Variants in PRRG4 observed in about 807,000 individuals in gnomAD.
PRRG4 encodes proline rich and Gla domain 4.
In PRRG4, 12 loss-of-function variants were observed where a neutral mutation model predicts 20.0. The ratio of observed to expected loss-of-function variants is 0.60; its 90% CI spans 0.38 to 0.97. The LOEUF (loss-of-function observed/expected upper bound fraction) is 0.97, where lower values mean the gene tolerates loss of function less well. Among genes scored for constraint, PRRG4 ranks in the 50% least tolerant of loss-of-function variants. The pLI, the probability that PRRG4 is intolerant of heterozygous loss-of-function variation, is 0.00. For synonymous variants in PRRG4, 94 were observed against 96.4 expected (o/e 0.98, Z 0.15); for missense variants, 199 against 265.1 (o/e 0.75, Z 1.73).
In PRRG4 at chr11:32,840,221, A is replaced by G. The variant is rs1851065189; in HGVS notation, c.431A>G (p.Asn144Ser). The G allele has an allele frequency of 5.6e-6, 9 of 1,596,736 alleles. No individual in the cohort carries two copies. The highest frequency in any genetic ancestry group is 7.7e-6 in the Non-Finnish European group (9 of 1,166,712). The change falls in exon 5 of 6, where the codon AAT becomes AGT. Residue 144 changes from asparagine (N) to serine (S), a missense_variant. Coordinates refer to ENST00000257836, the MANE Select transcript of PRRG4 (RefSeq NM_024081.6). The surrounding 1 kb of genome is among the most constrained non-coding windows in gnomAD (Gnocchi z 4.1). ...LGYYLCITKC[N>S]RLQHPCSSAV... ...TACTATCTTTGTATCACTAAGTGTA[A>G]TAGGCTACAACATCCATGGTAAGTA... is the stretch of plus-strand genomic sequence containing the variant.
intron 5 of PRRG4, among the ~76,000 whole-genome samples, chr11:32,847,419 G>T (rs1383042985): frequency 6.6e-6 from 1 of 152,140 alleles, no homozygotes; most frequent in Non-Finnish European, 1.5e-5. Flanking sequence ...CAAAACCACA[G>T]TGAGAGCCAG....
chr11:32,837,519 TGATGATG>T (rs1565113740), intron 3 of PRRG4, among the ~76,000 whole-genome samples: 1 of 105,644 alleles, frequency 9.5e-6, no homozygotes, highest in African/African-American at 3.8e-5. Flanking sequence ...ATGATGATGA[TGATGATG>T]ATGATGATGA....
In PRRG4 at chr11:32,857,323, G is replaced by A. The variant is rs952729372; in HGVS notation, c.*3796G>A. ...CTGCCAGCACGCCTTGCAAATTTTT[G>A]TATTTTTAGTGGAGATGGGGTTTTG... On this transcript the variant is annotated 3_prime_UTR_variant, in exon 6 of 6. Transcript: ENST00000257836. 2.0e-5 allele frequency: 3 copies of A among 151,886 alleles called. No homozygotes were observed. Among genetic ancestry groups the A allele is most frequent in the Non-Finnish European group, 2.9e-5 (2 of 68,084 alleles). 9.4% of individuals were successfully genotyped at this position (151,886 alleles called of 1,614,324 possible).
In PRRG4 at chr11:32,830,073, G is replaced by C. The variant is rs961357065; in HGVS notation, c.-123G>C. ...AGAGCGAGGCCCGGAGCGTCGCCGA[G>C]GTTTGAGGGCGCCGGAGACCGAGGG... On this transcript the variant is annotated 5_prime_UTR_variant, in exon 1 of 6. Transcript: ENST00000257836. 1 of 988,992 alleles carries C rather than the reference G, an allele frequency of 1.0e-6. No homozygotes were observed. The highest frequency in any genetic ancestry group is 4.7e-5 in the South Asian group (1 of 21,406). The allele number at this position is 988,992 out of a possible 1,614,324, so 61.3% of individuals were successfully genotyped here.
At chr11:32,852,835 G>A (rs1383873633) in intron 5 of PRRG4, among the ~76,000 whole-genome samples, 5 of 148,600 alleles carry the variant, frequency 3.4e-5, no homozygotes, top group Non-Finnish European at 4.4e-5. Flanking sequence ...GTGCAGTGGC[G>A]TGATCTCAGC....
At chr11:32,851,589 C>T (rs1851183880) in intron 5 of PRRG4, among the ~76,000 whole-genome samples, 1 of 152,178 alleles carries the variant, frequency 6.6e-6, no homozygotes, top group Non-Finnish European at 1.5e-5. Context: ...CTCTCCTTCC[C>T]TTCCAATTCA....
intron 2 of PRRG4, among the ~76,000 whole-genome samples, chr11:32,832,007 CAAAT>C (rs150086015): frequency 5.3e-5 from 8 of 151,764 alleles, no homozygotes; most frequent in Admixed American, 2.6e-4. Context: ...AAAATAAAAG[CAAAT>C]AAATAAATAA....
chr11:32,839,871 T>TTAAA (rs942761604), intron 4 of PRRG4, among the ~76,000 whole-genome samples: 2 of 147,104 alleles, frequency 1.4e-5, no homozygotes, highest in East Asian at 3.9e-4. Context: ...TATATATATT[T>TTAAA]TAAATAAATA....
chr11:32,839,037 A>G, intron 4 of PRRG4, 107 bp downstream of exon 4: 1 of 753,438 alleles, frequency 1.3e-6, no homozygotes, highest in African/African-American at 1.7e-5. Flanking sequence ...TACATACCTT[A>G]TAAATCCAAG....
At chr11:32,845,368 G>A (rs1328237162) in intron 5 of PRRG4, among the ~76,000 whole-genome samples, 3 of 152,180 alleles carry the variant, frequency 2.0e-5, no homozygotes, top group Non-Finnish European at 1.5e-5. Flanking sequence ...GCTCACGTCT[G>A]TAATCCCAGC....
intron 2 of PRRG4, among the ~76,000 whole-genome samples, chr11:32,832,137 T>C (rs1358607769): frequency 6.6e-6 from 1 of 152,206 alleles, no homozygotes; most frequent in Non-Finnish European, 1.5e-5. Context: ...TCCGACACAT[T>C]TGAAAAGACA....
rs1851219264 is a variant in PRRG4, at chr11:32,855,096, A to G, written c.*1569A>G. ...TTTGCTTTTCTGCTCTTAAAATAAT[A>G]TTGATTAATGTTACCAGAAACCTTT... On this transcript the variant is annotated 3_prime_UTR_variant, in exon 6 of 6. Transcript: ENST00000257836. 1 of 152,220 alleles carries G rather than the reference A, an allele frequency of 6.6e-6. No homozygotes were observed. Among genetic ancestry groups the G allele is most frequent in the Non-Finnish European group, 1.5e-5 (1 of 68,030 alleles). The allele number at this position is 152,220 out of a possible 1,614,324, so 9.4% of individuals were successfully genotyped here. A position where few individuals can be genotyped will look rare whatever the true frequency, so the allele number is the denominator to read the frequency against.
intron 2 of PRRG4, among the ~76,000 whole-genome samples, chr11:32,835,972 C>T (rs969989268): frequency 6.6e-6 from 1 of 151,892 alleles, no homozygotes; most frequent in Non-Finnish European, 1.5e-5. Flanking sequence ...CGTGGTGGCA[C>T]GTGCCTGTAG....
At chr11:32,838,385 G>A (rs1851044063) in intron 3 of PRRG4, among the ~76,000 whole-genome samples, 1 of 151,950 alleles carries the variant, frequency 6.6e-6, no homozygotes. Flanking sequence ...GAGCCTGGAA[G>A]GTCAAGGCTG....
rs775709123 is a variant in PRRG4 at position 32,853,386 on chromosome 11, T to C, written c.540T>C (p.Ser180=). ...CTGCCTTGTCTCCATTGCCGCCTTC[T>C]GTGGAGGATGCAGGATTACCTTCTT... ...EEAALSPLPP[S]VEDAGLPSYE... is the part of the protein sequence containing the mutation. Residue 180 remains serine (S), a synonymous_variant, in exon 6 of 6, where the codon TCT becomes TCC. Coordinates refer to ENST00000257836, the MANE Select transcript of PRRG4 (RefSeq NM_024081.6). 1 of 1,614,050 alleles carries C rather than the reference T, an allele frequency of 6.2e-7. No homozygotes were observed. The highest frequency in any genetic ancestry group is 1.1e-5 in the South Asian group (1 of 91,078).
chr11:32,834,246 T>G (rs1240217259), intron 2 of PRRG4, among the ~76,000 whole-genome samples: 1 of 152,136 alleles, frequency 6.6e-6, no homozygotes, highest in East Asian at 1.9e-4. Context: ...GCTGTTATGT[T>G]AAAAACAGAT....
chr11:32,837,507 A>AGATGATGATGATGAT (rs145836180), intron 3 of PRRG4, among the ~76,000 whole-genome samples: 2 of 134,694 alleles, frequency 1.5e-5, no homozygotes, highest in African/African-American at 5.5e-5. Flanking sequence ...TAACTAACTG[A>AGATGATGATGATGAT]GATGATGATG....
chr11:32,833,278 A>C (rs930330621), intron 2 of PRRG4, among the ~76,000 whole-genome samples: 7 of 152,196 alleles, frequency 4.6e-5, no homozygotes, highest in Admixed American at 6.5e-5. Flanking sequence ...TAATAGCATG[A>C]TTAATCATAA....
chr11:32,844,878 A>G (rs1851114204), intron 5 of PRRG4, among the ~76,000 whole-genome samples: 1 of 152,182 alleles, frequency 6.6e-6, no homozygotes, highest in Non-Finnish European at 1.5e-5. Context: ...ATTCCCATCC[A>G]ATATTTGTAT....
Sources: allele counts gnomAD v4.1 joint callset (sites outside exome capture counted in the v4.1 genomes callset), GRCh38; gene constraint gnomAD v4.1.1; non-coding constraint Gnocchi (gnomAD v3.1); transcripts MANE v1.5; gene names NCBI Gene and HGNC (gene_info 2026-07-23, HGNC 2026-07-21).